Variants in MRPS31 observed in about 807,000 individuals in gnomAD.
The protein encoded by MRPS31 is small ribosomal subunit protein mS31.
A neutral mutation model predicts 43.1 loss-of-function variants in MRPS31; 32 were observed. The ratio of observed to expected loss-of-function variants is 0.74; its 90% CI spans 0.56 to 1.00. MRPS31 has a LOEUF of 1.00. Ranked by LOEUF, MRPS31 falls within the 50% of genes least tolerant of loss-of-function variation. The pLI, the probability that MRPS31 is intolerant of heterozygous loss-of-function variation, is 0.00. For synonymous variants in MRPS31, 165 were observed against 161.6 expected (o/e 1.02, Z -0.16); for missense variants, 437 against 466.7 (o/e 0.94, Z 0.59).
At chr13:40,767,727 A>G (rs1880891565) in intron 1 of MRPS31, among the ~76,000 whole-genome samples, 1 of 152,242 alleles carries the variant, frequency 6.6e-6, no homozygotes, top group African/African-American at 2.4e-5. Context: ...AAACACTGAC[A>G]TGGTTAATAA....
intron 2 of MRPS31, among the ~76,000 whole-genome samples, chr13:40,762,782 TTGTGTGTGTGTG>T (rs60906711): frequency 0.11 from 13,804 of 129,806 alleles, 921 homozygotes; most frequent in East Asian, 0.18. Context: ...AGTATAGACA[TTGTGTGTGTGTG>T]TGTGTGTGTG....
intron 1 of MRPS31, among the ~76,000 whole-genome samples, chr13:40,768,594 G>A (rs756385821): frequency 8.6e-5 from 13 of 151,932 alleles, no homozygotes; most frequent in Non-Finnish European, 1.6e-4. Context: ...ACAGGGTTTC[G>A]CCATGTTGCC....
At chr13:40,766,474 A>C (rs757471781) in intron 2 of MRPS31, among the ~76,000 whole-genome samples, 7 of 152,042 alleles carry the variant, frequency 4.6e-5, no homozygotes, top group African/African-American at 7.2e-5. Context: ...TTGTAGTTTT[A>C]GTAGAGACGG....
In MRPS31 at chr13:40,729,586, CCAT is replaced by C; in HGVS notation, c.971_973del (p.Asp324del). On this transcript the variant is annotated inframe_deletion, in exon 7 of 7. Coordinates refer to ENST00000323563, the MANE Select transcript of MRPS31 (RefSeq NM_005830.4). The stretch of plus-strand genomic sequence containing the variant: ...AAATATATGTTCATGAAATTCTGAA[CCAT>C]CATCATCAAAACCTAGGAAATGAGA... The C allele has an allele frequency of 1.2e-6, 2 of 1,611,674 alleles. No homozygotes were observed. Among genetic ancestry groups the C allele is most frequent in the Non-Finnish European group, 1.7e-6 (2 of 1,178,148 alleles).
Position 40,740,735 on chromosome 13 carries a change from G to A in MRPS31, c.958+8403C>T, listed in dbSNP as rs1163143924. Reference sequence around the variant, plus strand: ...CTCACTCATAGGTGGGAATTGAACAGTGAGATCACATGGACACAGGAAGGG... The same window carrying A: ...CTCACTCATAGGTGGGAATTGAACAATGAGATCACATGGACACAGGAAGGG... On this transcript the variant is annotated intron_variant, in intron 6 of 6. Transcript: ENST00000323563. Among the ~76,000 whole-genome samples the A allele has an allele frequency of 1.1e-4, 15 of 135,106 alleles. No individual in the cohort carries two copies. In the South Asian group the frequency reaches 2.2e-3, roughly 20 times the overall value. 88.6% of individuals were successfully genotyped at this position (135,106 alleles called of 152,430 possible).
chr13:40,752,944 A>T, intron 5 of MRPS31, among the ~76,000 whole-genome samples: 1 of 152,186 alleles, frequency 6.6e-6, no homozygotes, highest in Non-Finnish European at 1.5e-5. Context: ...TATGTTGCCC[A>T]GGCTGGTCTT....
chr13:40,765,866 TG>T (rs1408078930), intron 2 of MRPS31, among the ~76,000 whole-genome samples: 1 of 152,156 alleles, frequency 6.6e-6, no homozygotes, highest in Admixed American at 6.6e-5. Context: ...TACCACACAA[TG>T]CCAAGTATCA....
chr13:40,757,068 A>G, intron 3 of MRPS31, 55 bp from the exon 4 acceptor site: 1 of 1,392,244 alleles, frequency 7.2e-7, no homozygotes, highest in Non-Finnish European at 9.8e-7. Flanking sequence ...GAACAGTAAT[A>G]AACTTCCTTT....
intron 2 of MRPS31, among the ~76,000 whole-genome samples, chr13:40,762,530 C>A (rs1431957304): frequency 1.3e-5 from 2 of 151,620 alleles, no homozygotes; most frequent in African/African-American, 4.8e-5. Context: ...ACCTCCTCAG[C>A]TCAAGTAATC....
chr13:40,737,008 C>A (rs28811316), intron 6 of MRPS31, among the ~76,000 whole-genome samples: 5,423 of 149,214 alleles, frequency 0.036, 123 homozygotes, highest in East Asian at 0.11. Context: ...AGAGTCAAGA[C>A]CCATCAGTGT....
At chr13:40,765,598 T>C (rs1880821715) in intron 2 of MRPS31, among the ~76,000 whole-genome samples, 1 of 152,218 alleles carries the variant, frequency 6.6e-6, no homozygotes, top group Admixed American at 6.5e-5. Flanking sequence ...GTACCTATTA[T>C]GGGTACTGAT....
chr13:40,736,526 A>G (rs1320185585), intron 6 of MRPS31, among the ~76,000 whole-genome samples: 6 of 146,938 alleles, frequency 4.1e-5, no homozygotes, highest in African/African-American at 1.6e-4. Flanking sequence ...AAGGGCAGCC[A>G]GAGAGAAAGG....
At chr13:40,761,921 GAAAA>G (rs58767091) in intron 2 of MRPS31, among the ~76,000 whole-genome samples, 6 of 91,380 alleles carry the variant, frequency 6.6e-5, no homozygotes, top group South Asian at 6.3e-4. Context: ...AAAATAAACA[GAAAA>G]AAAAAAAAAA....
chr13:40,762,935 G>T (rs1880745035), intron 2 of MRPS31, among the ~76,000 whole-genome samples: 1 of 151,902 alleles, frequency 6.6e-6, no homozygotes, highest in East Asian at 1.9e-4. Context: ...TAGCACTTTG[G>T]ATGGTGTGTG....
chr13:40,738,635 T>C (rs983079968), intron 6 of MRPS31, among the ~76,000 whole-genome samples: 4 of 152,086 alleles, frequency 2.6e-5, no homozygotes, highest in African/African-American at 9.7e-5. Context: ...TGGTTCAATA[T>C]ACGCAAATCA....
intron 6 of MRPS31, among the ~76,000 whole-genome samples, chr13:40,738,579 G>A (rs1166764909): frequency 6.6e-6 from 1 of 151,936 alleles, no homozygotes; most frequent in Non-Finnish European, 1.5e-5. Flanking sequence ...ACATCAAAAA[G>A]CTTATCCATC....
chr13:40,729,644 C>T (rs1239999336), intron 6 of MRPS31, 43 bp from the exon 7 acceptor site: 4 of 1,193,362 alleles, frequency 3.4e-6, no homozygotes, highest in Non-Finnish European at 4.9e-6. Context: ...ATTTTAAATA[C>T]AAAACCTACA....
chr13:40,733,214 G>C (rs1240560367), intron 6 of MRPS31, among the ~76,000 whole-genome samples: 3 of 151,976 alleles, frequency 2.0e-5, no homozygotes, highest in Admixed American at 6.6e-5. Flanking sequence ...ATGTTGGCCA[G>C]GCTGGTCTCA....
chr13:40,769,394 ATATATATATATATATATATATATATATT>A (rs1880942698), intron 1 of MRPS31, among the ~76,000 whole-genome samples: 1 of 92,312 alleles, frequency 1.1e-5, no homozygotes, highest in African/African-American at 5.4e-5. Flanking sequence ...ATATATATAT[ATATATATATATATATATATATATATATT>A]ATCAAGTTCT....
Sources: gnomAD v4.1 joint callset for allele counts (sites outside exome capture counted in the v4.1 genomes callset) on GRCh38, gnomAD v4.1.1 for gene constraint, MANE v1.5 for transcripts, NCBI Gene and HGNC (gene_info 2026-07-23, HGNC 2026-07-21) for gene names.